Variants in MAPK8IP3 observed in about 807,000 individuals in gnomAD.
The protein encoded by MAPK8IP3 is mitogen-activated protein kinase 8 interacting protein 3.
A neutral mutation model predicts 157.8 loss-of-function variants in MAPK8IP3; 49 were observed. The ratio of observed to expected loss-of-function variants is 0.31; its 90% CI spans 0.25 to 0.39. The LOEUF is 0.39. Ranked by LOEUF, MAPK8IP3 falls within the 10% of genes least tolerant of loss-of-function variation. MAPK8IP3 has a pLI of 1.00. For synonymous variants in MAPK8IP3, 897 were observed against 777.7 expected (o/e 1.15, Z -2.55); for missense variants, 1,478 against 1,889.4 (o/e 0.78, Z 4.04).
At chr16:1,725,902 T>A (rs2038847009) in intron 2 of MAPK8IP3, among the ~76,000 whole-genome samples, 1 of 152,152 alleles carries the variant, frequency 6.6e-6, no homozygotes, top group African/African-American at 2.4e-5. Context: ...TTTCACTGTG[T>A]TAGCCAGGAT....
At chr16:1,753,568 G>T (rs1296009589) in intron 8 of MAPK8IP3, among the ~76,000 whole-genome samples, 1 of 151,908 alleles carries the variant, frequency 6.6e-6, no homozygotes, top group Non-Finnish European at 1.5e-5. Flanking sequence ...AGCCTCCCGA[G>T]TAGCTGGGAC....
chr16:1,745,154 G>A, intron 5 of MAPK8IP3: 1 of 985,466 alleles, frequency 1.0e-6, no homozygotes, highest in Non-Finnish European at 1.2e-6. Context: ...GGCCCTGTAG[G>A]GTGACGGAGA....
At position 1,748,599 on chromosome 16, in the gene MAPK8IP3, C is replaced by T. The variant is rs762267927; in HGVS notation, c.1098-3C>T. The T allele has an allele frequency of 6.2e-7, 1 of 1,610,166 alleles. No individual in the cohort carries two copies. The highest frequency in any genetic ancestry group is 8.5e-7 in the Non-Finnish European group (1 of 1,176,494). Reference sequence around the variant, plus strand: ...CTCTCTCCCGACCTGTGGATCCCAACAGCCCAACCCAGGGCATCGTGAACA... The same window carrying T: ...CTCTCTCCCGACCTGTGGATCCCAATAGCCCAACCCAGGGCATCGTGAACA... On this transcript the variant is annotated splice_region_variant and splice_polypyrimidine_tract_variant and intron_variant, in intron 7 of 31. Coordinates refer to ENST00000610761, the MANE Select transcript of MAPK8IP3 (RefSeq NM_001318852.2).
rs60461442 is a variant in MAPK8IP3, at chr16:1,756,623, A to AACACACACAC, written c.1217-1487_1217-1478dup. Among the ~76,000 whole-genome samples, 758 of 135,686 alleles carry AACACACACAC rather than the reference A, an allele frequency of 5.6e-3. 5 individuals are homozygous for AACACACACAC. Among genetic ancestry groups the AACACACACAC allele is most frequent in the Admixed American group, 7.0e-3 (93 of 13,332 alleles). 89.0% of individuals were successfully genotyped at this position (135,686 alleles called of 152,430 possible). A position where few individuals can be genotyped will look rare whatever the true frequency, so the allele number is the denominator to read the frequency against. On this transcript the variant is annotated intron_variant, in intron 8 of 31. Transcript: ENST00000610761. Reference sequence around the variant, plus strand: ...CATAGTGAGACCTCATTTTTACTAAAACACACACACACACACACACACACA... The same window carrying AACACACACAC: ...CATAGTGAGACCTCATTTTTACTAAAACACACACACACACACACACACACACACACACACA...
rs1221870870 is a variant in MAPK8IP3 at position 1,768,758 on chromosome 16, G to A, written c.3948G>A (p.Lys1316=). The A allele has an allele frequency of 1.2e-6, 2 of 1,612,802 alleles. No individual in the cohort carries two copies. Among genetic ancestry groups the A allele is most frequent in the East Asian group, 2.2e-5 (1 of 44,862 alleles). ...GCGCAGGGGACATGAGCCAGGTGAA[G>A]CCCGTGCTGTCCAAGGCAGAGCGCA... ...EEGAGDMSQV[K]PVLSKAERSH... is the part of the protein sequence containing the mutation. Residue 1316 remains lysine, a synonymous_variant, in exon 32 of 32, where the codon AAG becomes AAA. Coordinates refer to ENST00000610761, the MANE Select transcript of MAPK8IP3 (RefSeq NM_001318852.2).
chr16:1,718,785 CAAAA>C (rs985470020), intron 1 of MAPK8IP3, among the ~76,000 whole-genome samples: 2 of 125,640 alleles, frequency 1.6e-5, no homozygotes, highest in Non-Finnish European at 3.4e-5. Flanking sequence ...AGAACCATCT[CAAAA>C]AAAAAAAAAA....
chr16:1,735,492 AGCGTCC>A, intron 4 of MAPK8IP3, among the ~76,000 whole-genome samples: 11 of 127,850 alleles, frequency 8.6e-5, no homozygotes, highest in African/African-American at 3.0e-4. Context: ...CGTCCATGTG[AGCGTCC>A]GTGTGACCAT....
intron 1 of MAPK8IP3, among the ~76,000 whole-genome samples, chr16:1,718,277 C>A (rs887282284): frequency 6.6e-6 from 1 of 151,538 alleles, no homozygotes; most frequent in Non-Finnish European, 1.5e-5. Flanking sequence ...CTCTGCCTCC[C>A]GTGTTCAAGA....
chr16:1,735,015 G>A (rs553296844), intron 4 of MAPK8IP3: 40 of 154,574 alleles, frequency 2.6e-4, no homozygotes, highest in African/African-American at 7.7e-4. Context: ...CGTGCCAGGC[G>A]CTGTCTTGAG....
chr16:1,758,336 C>A (rs1418085912), intron 9 of MAPK8IP3, among the ~76,000 whole-genome samples, 177 bp downstream of exon 9: 1 of 152,220 alleles, frequency 6.6e-6, no homozygotes, highest in Non-Finnish European at 1.5e-5. Flanking sequence ...GTTTGCTCCA[C>A]CAGCCACTTG....
At chr16:1,749,731 C>T (rs1221278123) in intron 8 of MAPK8IP3, among the ~76,000 whole-genome samples, 1 of 152,196 alleles carries the variant, frequency 6.6e-6, no homozygotes, top group Non-Finnish European at 1.5e-5. Context: ...TCCCCCAGCC[C>T]GCAGGGTGAG....
At chr16:1,726,289 T>C (rs1172386153) in intron 2 of MAPK8IP3, among the ~76,000 whole-genome samples, 1 of 152,194 alleles carries the variant, frequency 6.6e-6, no homozygotes, top group African/African-American at 2.4e-5. Flanking sequence ...TTTCCATAAT[T>C]ACAGAGTCTC....
At chr16:1,725,635 A>G (rs1008997095) in intron 2 of MAPK8IP3, among the ~76,000 whole-genome samples, 1 of 152,072 alleles carries the variant, frequency 6.6e-6, no homozygotes, top group South Asian at 2.1e-4. Context: ...TCAAAAAAAA[A>G]AGAAAAAATT....
At chr16:1,767,104 G>A (rs780968950) in intron 25 of MAPK8IP3, 45 bp from the exon 26 acceptor site, 7 of 1,606,620 alleles carry the variant, frequency 4.4e-6, no homozygotes, top group Non-Finnish European at 5.1e-6. Flanking sequence ...CTGAGCAGAG[G>A]TGGGGCCTGG....
chr16:1,746,211 A>C (rs939106419), intron 5 of MAPK8IP3: 1 of 152,306 alleles, frequency 6.6e-6, no homozygotes, highest in African/African-American at 2.4e-5. Context: ...AGGTCAGCTA[A>C]GACGAGAACG....
At chr16:1,737,519 C>T (rs574446277) in intron 4 of MAPK8IP3, among the ~76,000 whole-genome samples, 14 of 75,704 alleles carry the variant, frequency 1.8e-4, no homozygotes, top group African/African-American at 7.0e-4. Context: ...TGTGACCGTC[C>T]GTGTGAGTGT....
Position 1,767,721 on chromosome 16 carries a change from T to C in MAPK8IP3, c.3395T>C (p.Val1132Ala). The C allele has an allele frequency of 6.2e-7, 1 of 1,612,686 alleles. No homozygotes were observed. The highest frequency in any genetic ancestry group is 8.5e-7 in the Non-Finnish European group (1 of 1,179,922). ...CAGGACGTGGACATTGAGCCCTACG[T>C]CAGCAAGATGCTAGGTGAGGGGCCA... ...HLQDVDIEPY[V>A]SKMLGTGKLG... is the part of the protein sequence containing the mutation. The change falls in exon 27 of 32, where the codon GTC (valine) becomes GCC (alanine). Residue 1132 changes from valine to alanine, a missense_variant. By Grantham distance (64) the Val-to-Ala change is moderately conservative. Transcript: ENST00000610761.
rs566942527 is a variant in MAPK8IP3 at position 1,758,962 on chromosome 16, G to A, written c.1229-16G>A. ...CCTGGTTGCCCATCTCCTGTGGGAC[G>A]GGGACGGCTCCCTAGTGCGCGATGA... is the stretch of plus-strand genomic sequence containing the variant. On this transcript the variant is annotated splice_polypyrimidine_tract_variant and intron_variant, in intron 9 of 31. Transcript: ENST00000610761. The A allele has an allele frequency of 2.5e-6, 4 of 1,614,118 alleles. No homozygotes were observed. Among genetic ancestry groups the A allele is most frequent in the East Asian group, 2.2e-5 (1 of 44,880 alleles).
chr16:1,711,068 G>C lies in MAPK8IP3; in HGVS notation c.318+4411G>C, dbSNP rs530306072. ...GGCCACGCTGGCAGCAGTCAGACAG[G>C]GCCGAGAGCTGAGAGAAGTCAGTTC... On this transcript the variant is annotated intron_variant, in intron 1 of 31. Coordinates refer to ENST00000610761, the MANE Select transcript of MAPK8IP3 (RefSeq NM_001318852.2). Among the ~76,000 whole-genome samples the C allele has an allele frequency of 7.2e-5, 11 of 152,362 alleles. 1 individual carries two copies. The highest frequency in any genetic ancestry group is 6.2e-4 in the South Asian group (3 of 4,830).
Sources: allele counts gnomAD v4.1 joint callset (sites outside exome capture counted in the v4.1 genomes callset), GRCh38; gene constraint gnomAD v4.1.1; transcripts MANE v1.5; gene names NCBI Gene and HGNC (gene_info 2026-07-23, HGNC 2026-07-21).